SNX13: variants seen among roughly 807,000 people sequenced by gnomAD.
SNX13 encodes sorting nexin-13.
A neutral mutation model predicts 133.6 loss-of-function variants in SNX13; 45 were observed. That is an observed-to-expected ratio of 0.34 (90% CI 0.27 to 0.43). SNX13 has a LOEUF of 0.43. Ranked by LOEUF, SNX13 falls within the 20% of genes least tolerant of loss-of-function variation. The pLI is 1.00. For synonymous variants in SNX13, 414 were observed against 373.9 expected, an observed-to-expected ratio of 1.11 and a Z score of -1.24; for missense variants, 1,032 against 1,145.1, an observed-to-expected ratio of 0.90 and a Z score of 1.43.
At chr7:17,900,287 C>T (rs1374773747) in intron 1 of SNX13, 1 of 152,410 alleles carries the variant, frequency 6.6e-6, no homozygotes, top group African/African-American at 2.4e-5. Context: ...CTGGGTCACA[C>T]CCGAGGCCTG....
At chr7:17,885,948 T>G (rs190330835) in intron 5 of SNX13, among the ~76,000 whole-genome samples, 1 of 152,296 alleles carries the variant, frequency 6.6e-6, no homozygotes, top group Non-Finnish European at 1.5e-5. Context: ...TAACTGTCTT[T>G]CCAAGTAATG....
chr7:17,846,852 C>G (rs766366838), intron 11 of SNX13, among the ~76,000 whole-genome samples: 3 of 152,032 alleles, frequency 2.0e-5, no homozygotes, highest in Non-Finnish European at 4.4e-5. Flanking sequence ...TCCACAGATA[C>G]AGGATGGAAG....
intron 19 of SNX13, among the ~76,000 whole-genome samples, chr7:17,815,521 G>C (rs1292583008): frequency 2.0e-5 from 3 of 152,248 alleles, no homozygotes; most frequent in Non-Finnish European, 2.9e-5. Context: ...GGAGTTCAAA[G>C]TTACAGTGAG....
At chr7:17,898,621 G>T (rs1317189046) in intron 1 of SNX13, among the ~76,000 whole-genome samples, 1 of 152,006 alleles carries the variant, frequency 6.6e-6, no homozygotes, top group Non-Finnish European at 1.5e-5. Flanking sequence ...TCCAGAAGTG[G>T]GGAAAAAGAA....
At chr7:17,807,924 G>A in intron 20 of SNX13, among the ~76,000 whole-genome samples, 1 of 152,044 alleles carries the variant, frequency 6.6e-6, no homozygotes. Flanking sequence ...TCAACAAAAA[G>A]GACATCCACA....
At chr7:17,862,847 T>C (rs1010968771) in intron 9 of SNX13, among the ~76,000 whole-genome samples, 3 of 152,092 alleles carry the variant, frequency 2.0e-5, no homozygotes, top group African/African-American at 4.8e-5. Context: ...CCATATTAAA[T>C]AACCGTCCAT....
chr7:17,795,215 A>G (rs781323591), intron 25 of SNX13: 1 of 151,758 alleles, frequency 6.6e-6, no homozygotes, highest in African/African-American at 2.4e-5. Context: ...ACACCAAGTT[A>G]TGAGACCAAC....
chr7:17,865,870 C>T (rs763431404), intron 9 of SNX13, among the ~76,000 whole-genome samples: 2 of 152,020 alleles, frequency 1.3e-5, no homozygotes, highest in Non-Finnish European at 2.9e-5. Flanking sequence ...ACAAATGTGC[C>T]AAAAATACAC....
chr7:17,919,805 A>T (rs1329378869), intron 1 of SNX13, among the ~76,000 whole-genome samples: 1 of 152,178 alleles, frequency 6.6e-6, no homozygotes, highest in Non-Finnish European at 1.5e-5. Context: ...CAAAAGATAC[A>T]TTATAAAAAT....
intron 5 of SNX13, among the ~76,000 whole-genome samples, chr7:17,885,823 G>C (rs1362854015): frequency 6.6e-6 from 1 of 152,122 alleles, no homozygotes; most frequent in Non-Finnish European, 1.5e-5. Context: ...ACAAGAGTCT[G>C]CCTCAAAACA....
chr7:17,908,914 A>T (rs1798657417), intron 1 of SNX13, among the ~76,000 whole-genome samples: 1 of 152,168 alleles, frequency 6.6e-6, no homozygotes, highest in Non-Finnish European at 1.5e-5. Flanking sequence ...AAAATGCGAC[A>T]CCTAAGATTA....
chr7:17,854,497 C>T lies in SNX13; in HGVS notation c.838-3533G>A, dbSNP rs530071259. Among the ~76,000 whole-genome samples the T allele has an allele frequency of 3.9e-5, 6 of 152,254 alleles. No individual in the cohort carries two copies. The East Asian group carries it at 5.8e-4, about 15-fold the overall frequency. ...TTAACAAACTGAAGTTTTCTAGCAACGCTGTGTCCAGAAACTCTTACCAGC... is the reference window on the plus strand; with the variant it reads ...TTAACAAACTGAAGTTTTCTAGCAATGCTGTGTCCAGAAACTCTTACCAGC... On this transcript the variant is annotated intron_variant, in intron 9 of 25. Transcript: ENST00000428135.
At chr7:17,906,912 C>T (rs961070410) in intron 1 of SNX13, among the ~76,000 whole-genome samples, 5 of 152,108 alleles carry the variant, frequency 3.3e-5, no homozygotes, top group African/African-American at 1.2e-4. Context: ...AAAGATAATA[C>T]AGTCAGCCCT....
rs1372116992 is a variant in SNX13 at position 17,862,517 on chromosome 7, T to C, written c.837+5890A>G. ...ATCCTATGAGAATTACAGTCATTAA[T>C]AAGTATATTTTTCTAAAGAATGGGA... On this transcript the variant is annotated intron_variant, in intron 9 of 25. Coordinates refer to ENST00000428135, the MANE Select transcript of SNX13 (RefSeq NM_015132.5). 2.0e-5 allele frequency among the ~76,000 whole-genome samples: 3 copies of C among 152,342 alleles called. No homozygotes were observed. The East Asian group carries it at 5.8e-4, about 29-fold the overall frequency.
At chr7:17,907,965 G>A (rs955313114) in intron 1 of SNX13, among the ~76,000 whole-genome samples, 1 of 152,094 alleles carries the variant, frequency 6.6e-6, no homozygotes, top group African/African-American at 2.4e-5. Flanking sequence ...CTCCAGCTCA[G>A]AAATATCTCC....
chr7:17,860,366 T>C (rs1418650700), intron 9 of SNX13, among the ~76,000 whole-genome samples: 2 of 152,200 alleles, frequency 1.3e-5, no homozygotes, highest in African/African-American at 4.8e-5. Flanking sequence ...GAGTTCTTTA[T>C]ATATGATGGA....
Position 17,890,158 on chromosome 7 carries a change from A to G in SNX13, c.440+205T>C, listed in dbSNP as rs529935222. ...ACTTAGAAAGCAGGGCTTAATCAAA[A>G]TAACATTCTGTAAAAACCTAAAATC... is the stretch of plus-strand genomic sequence containing the variant. On this transcript the variant is annotated intron_variant, in intron 5 of 25. Transcript: ENST00000428135. 7 of 415,274 alleles carry G rather than the reference A, an allele frequency of 1.7e-5. No individual in the cohort carries two copies. In the South Asian group the frequency reaches 3.9e-4, roughly 23 times the overall value. The allele number at this position is 415,274 out of a possible 1,614,324, so 25.7% of individuals were successfully genotyped here. A position where few individuals can be genotyped will look rare whatever the true frequency, so the allele number is the denominator to read the frequency against.
Position 17,830,054 on chromosome 7 carries a change from G to T in SNX13, c.1598-7C>A. 6.6e-7 allele frequency: 1 copy of T among 1,526,336 alleles called. No individual in the cohort carries two copies. Among genetic ancestry groups the T allele is most frequent in the South Asian group, 1.2e-5 (1 of 80,248 alleles). The allele number at this position is 1,526,336 out of a possible 1,614,324, so 94.5% of individuals were successfully genotyped here. The stretch of plus-strand genomic sequence containing the variant: ...GGAGACCCATTAAAAGATTCTGCAG[G>T]GGGGAAATTCAACTTAGTATACAGC... On this transcript the variant is annotated splice_region_variant and splice_polypyrimidine_tract_variant and intron_variant, in intron 15 of 25. Transcript: ENST00000428135.
rs1554305621 is a variant in SNX13 at position 17,807,839 on chromosome 7, C to CCTCCAGCAAG, written c.2065-4260_2065-4259insCTTGCTGGAG. 3.5e-3 allele frequency among the ~76,000 whole-genome samples: 536 copies of CCTCCAGCAAG among 151,568 alleles called. 5 individuals carry two copies. The highest frequency in any genetic ancestry group is 0.013 in the African/African-American group (522 of 41,286). ...TCGGGCAAACAGGGTCTGGAGTGGG[C>CCTCCAGCAAG]CTCCAGCAAACCTGCCACAGAGGGG... On this transcript the variant is annotated intron_variant, in intron 20 of 25. Coordinates refer to ENST00000428135, the MANE Select transcript of SNX13 (RefSeq NM_015132.5).
Sources: gnomAD v4.1 joint callset for allele counts (sites outside exome capture counted in the v4.1 genomes callset) on GRCh38, gnomAD v4.1.1 for gene constraint, MANE v1.5 for transcripts, NCBI Gene and HGNC (gene_info 2026-07-23, HGNC 2026-07-21) for gene names.